Variants in KCNH5 observed in about 807,000 individuals in gnomAD.
KCNH5 encodes potassium voltage-gated channel subfamily H member 5.
In KCNH5, 46 loss-of-function variants were observed where a neutral mutation model predicts 96.1. The ratio of observed to expected loss-of-function variants is 0.48; its 90% CI spans 0.38 to 0.61. The LOEUF (loss-of-function observed/expected upper bound fraction) is 0.61, where lower values mean the gene tolerates loss of function less well. Ranked by LOEUF, KCNH5 falls within the 20% of genes least tolerant of loss-of-function variation. The probability of loss-of-function intolerance (pLI) is 0.00; values close to 1 mark genes in which losing one functional copy is unlikely to be tolerated. For missense variants in KCNH5, 907 were observed against 1,225.8 expected, an observed-to-expected ratio of 0.74 and a Z score of 3.88; for synonymous variants, 439 against 449.8, an observed-to-expected ratio of 0.98 and a Z score of 0.30.
intron 7 of KCNH5, among the ~76,000 whole-genome samples, chr14:62,918,421 T>TA (rs1889317431): frequency 2.0e-5 from 3 of 152,214 alleles, no homozygotes; most frequent in African/African-American, 7.2e-5. Context: ...AAATAGTTAC[T>TA]AAAATAGGAC....
rs61994855 is a variant in KCNH5 at position 62,812,271 on chromosome 14, C to T, written c.1570-9690G>A. Reference sequence around the variant, plus strand: ...ATTTATTAGGAAACCATAAATGCCCCGCCACTGCCATAGAACAGCCTAAAT... The same window carrying T: ...ATTTATTAGGAAACCATAAATGCCCTGCCACTGCCATAGAACAGCCTAAAT... On this transcript the variant is annotated intron_variant, in intron 8 of 10. Coordinates refer to ENST00000322893, the MANE Select transcript of KCNH5 (RefSeq NM_139318.5). Among the ~76,000 whole-genome samples the T allele has an allele frequency of 6.9e-4, 105 of 152,228 alleles. 1 individual carries two copies. The highest frequency in any genetic ancestry group is 1.2e-3 in the Non-Finnish European group (80 of 68,014).
chr14:62,917,628 G>A (rs1889300911), intron 7 of KCNH5, among the ~76,000 whole-genome samples: 2 of 152,292 alleles, frequency 1.3e-5, no homozygotes, highest in South Asian at 2.1e-4. Flanking sequence ...GAAATGAGAT[G>A]AGAGAAGAGT....
intron 8 of KCNH5, among the ~76,000 whole-genome samples, chr14:62,805,247 C>A (rs1026760556): frequency 1.3e-5 from 2 of 152,058 alleles, no homozygotes; most frequent in African/African-American, 4.8e-5. Flanking sequence ...ATTCATGTTG[C>A]AAATGAAATA....
intron 8 of KCNH5, among the ~76,000 whole-genome samples, chr14:62,825,215 G>A (rs146764666): frequency 3.9e-5 from 6 of 152,098 alleles, no homozygotes; most frequent in African/African-American, 1.4e-4. Flanking sequence ...ACTAATTTAC[G>A]TTCCCACCAA....
chr14:62,914,118 A>C (rs1263286698), intron 7 of KCNH5, among the ~76,000 whole-genome samples: 1 of 152,226 alleles, frequency 6.6e-6, no homozygotes, highest in African/African-American at 2.4e-5. Context: ...ATTATTACAA[A>C]AATTAAATTT....
chr14:62,902,782 C>T (rs569505088), intron 7 of KCNH5, among the ~76,000 whole-genome samples: 29 of 151,684 alleles, frequency 1.9e-4, no homozygotes, highest in Admixed American at 3.9e-4. Context: ...TGCAATGGCA[C>T]GATCTCGGCT....
At chr14:62,914,042 T>C (rs1304461292) in intron 7 of KCNH5, among the ~76,000 whole-genome samples, 1 of 152,246 alleles carries the variant, frequency 6.6e-6, no homozygotes. Context: ...TGAAAAGGGC[T>C]GAATTTTCAG....
chr14:63,020,706 T>G (rs1324978919), intron 1 of KCNH5, among the ~76,000 whole-genome samples: 1 of 152,172 alleles, frequency 6.6e-6, no homozygotes, highest in Non-Finnish European at 1.5e-5. Context: ...TCTATCTTGA[T>G]AGAGGTATAC....
chr14:62,926,323 G>A (rs1271041665), intron 7 of KCNH5, among the ~76,000 whole-genome samples: 1 of 152,096 alleles, frequency 6.6e-6, no homozygotes, highest in Non-Finnish European at 1.5e-5. Context: ...TTAAAAAGCT[G>A]CCGGTATCTC....
chr14:63,038,185 C>T (rs138469207), intron 1 of KCNH5, among the ~76,000 whole-genome samples: 1 of 152,156 alleles, frequency 6.6e-6, no homozygotes, highest in Non-Finnish European at 1.5e-5. Context: ...ATTTAATCAG[C>T]ATTGGCTTGG....
chr14:62,721,459 C>G (rs1244631629), intron 10 of KCNH5, among the ~76,000 whole-genome samples: 1 of 150,918 alleles, frequency 6.6e-6, no homozygotes, highest in African/African-American at 2.4e-5. Flanking sequence ...CTTTTGCTTT[C>G]TTGACATCAT....
intron 2 of KCNH5, among the ~76,000 whole-genome samples, chr14:63,013,281 C>A (rs1891263139): frequency 6.6e-6 from 1 of 152,032 alleles, no homozygotes; most frequent in Non-Finnish European, 1.5e-5. Flanking sequence ...GCCACTTTAA[C>A]CCTATAGACT....
At chr14:62,762,817 A>T (rs1885781646) in intron 10 of KCNH5, among the ~76,000 whole-genome samples, 1 of 152,204 alleles carries the variant, frequency 6.6e-6, no homozygotes, top group African/African-American at 2.4e-5. Flanking sequence ...TAATTATAAA[A>T]GCTTCAAATC....
intron 10 of KCNH5, among the ~76,000 whole-genome samples, chr14:62,713,616 G>A (rs1423063711): frequency 6.6e-6 from 1 of 152,210 alleles, no homozygotes; most frequent in Non-Finnish European, 1.5e-5. Context: ...AAATGAAAAG[G>A]TGATTTAATC....
Position 62,732,948 on chromosome 14 carries a change from C to T in KCNH5, c.2020-24493G>A, listed in dbSNP as rs75667138. ...TCTATTCTCTCTCATCTCTCTCTCT[C>T]CTTCTTCTTGTCCCCCTCCTTCTCT... is the stretch of plus-strand genomic sequence containing the variant. On this transcript the variant is annotated intron_variant, in intron 10 of 10. Coordinates refer to ENST00000322893, the MANE Select transcript of KCNH5 (RefSeq NM_139318.5). 9.4e-3 allele frequency among the ~76,000 whole-genome samples: 1,426 copies of T among 152,082 alleles called. 14 individuals carry two copies. The highest frequency in any genetic ancestry group is 0.015 in the Non-Finnish European group (1,009 of 67,984).
At chr14:62,886,478 T>C (rs551087141) in intron 7 of KCNH5, among the ~76,000 whole-genome samples, 2 of 152,212 alleles carry the variant, frequency 1.3e-5, no homozygotes, top group Non-Finnish European at 2.9e-5. Context: ...ACAGGGTTTC[T>C]TATGGCTTGA....
At chr14:62,938,376 A>C (rs997248215) in intron 7 of KCNH5, among the ~76,000 whole-genome samples, 3 of 152,232 alleles carry the variant, frequency 2.0e-5, no homozygotes, top group African/African-American at 4.8e-5. Flanking sequence ...GGGCTAACTC[A>C]GTTGTCACAA....
chr14:62,940,327 G>GA (rs200058751), intron 7 of KCNH5, among the ~76,000 whole-genome samples: 3,019 of 145,542 alleles, frequency 0.021, 58 homozygotes, highest in East Asian at 0.082. Flanking sequence ...CCCATTTACA[G>GA]AAAAAAAAAA....
chr14:62,769,057 T>C (rs1885927540), intron 10 of KCNH5, among the ~76,000 whole-genome samples: 2 of 152,240 alleles, frequency 1.3e-5, no homozygotes, highest in Admixed American at 1.3e-4. Context: ...TGCCTCTTTC[T>C]ACCCCCATCA....
Sources: gnomAD v4.1 joint callset for allele counts (sites outside exome capture counted in the v4.1 genomes callset) on GRCh38, gnomAD v4.1.1 for gene constraint, MANE v1.5 for transcripts, NCBI Gene and HGNC (gene_info 2026-07-23, HGNC 2026-07-21) for gene names.